The following ERCC6L2 variants were observed in gnomAD, a reference collection of about 807,000 sequenced individuals.
ERCC6L2 encodes DNA excision repair protein ERCC-6-like 2.
A neutral mutation model predicts 132.0 loss-of-function variants in ERCC6L2; 77 were observed. The observed-to-expected ratio is 0.58, with a 90% confidence interval of 0.49 to 0.71. The LOEUF is 0.71. ERCC6L2 is among the 30% of genes least tolerant of loss of function. The pLI is 0.00. For synonymous variants in ERCC6L2, 583 were observed against 632.4 expected, an observed-to-expected ratio of 0.92 and a Z score of 1.17; for missense variants, 1,542 against 1,837.6, an observed-to-expected ratio of 0.84 and a Z score of 2.94.
At chr9:95,975,640 G>A (rs990610513) in intron 16 of ERCC6L2, among the ~76,000 whole-genome samples, 14 of 151,774 alleles carry the variant, frequency 9.2e-5, no homozygotes, top group African/African-American at 2.7e-4. Flanking sequence ...AGATTTGCTT[G>A]TACCAGTGTT....
intron 19 of ERCC6L2, among the ~76,000 whole-genome samples, chr9:96,037,954 G>A (rs1277970663): frequency 2.0e-5 from 3 of 151,874 alleles, no homozygotes; most frequent in Admixed American, 6.6e-5. Flanking sequence ...GGCCCTTGAC[G>A]GCTGGAATAA....
chr9:95,939,061 C>T (rs531041173), intron 11 of ERCC6L2, among the ~76,000 whole-genome samples: 98 of 152,176 alleles, frequency 6.4e-4, no homozygotes, highest in African/African-American at 2.2e-3. Flanking sequence ...ATTTTACTTA[C>T]ATTTAAGCTT....
rs1428537134 is a variant in ERCC6L2, at chr9:95,963,115, T to C, written c.1948-3447T>C. 2.6e-5 allele frequency among the ~76,000 whole-genome samples: 4 copies of C among 151,940 alleles called. No homozygotes were observed. The East Asian group carries it at 7.8e-4, about 29-fold the overall frequency. On this transcript the variant is annotated intron_variant, in intron 13 of 18. Transcript: ENST00000653738. ...CTTCAGGTTTGGAGCATTTAAACAA[T>C]CTAAAGTTTGGCATTCAGAAAGTCA...
At chr9:95,943,000 A>G (rs950953428) in intron 12 of ERCC6L2, among the ~76,000 whole-genome samples, 2 of 152,194 alleles carry the variant, frequency 1.3e-5, no homozygotes, top group African/African-American at 4.8e-5. Context: ...AAGAACATAC[A>G]TTTCATCAGC....
At chr9:95,876,320 A>G (rs1298048461) in intron 1 of ERCC6L2, 4 of 461,442 alleles carry the variant, frequency 8.7e-6, no homozygotes, top group African/African-American at 3.9e-5. Context: ...TTGCTGAGCA[A>G]CTTTGGGCAG....
chr9:95,999,451 A>ATGG (rs199670366), intron 17 of ERCC6L2, among the ~76,000 whole-genome samples: 1,554 of 152,340 alleles, frequency 0.01, 20 homozygotes, highest in Middle Eastern at 0.041. Context: ...CCACGTGTCT[A>ATGG]ATAGCTATGG....
At chr9:95,960,881 T>TCC (rs112215797) in intron 13 of ERCC6L2, among the ~76,000 whole-genome samples, 3,674 of 152,186 alleles carry the variant, frequency 0.024, 127 homozygotes, top group African/African-American at 0.074. Flanking sequence ...TTCAGAACTC[T>TCC]CCCACAAAGA....
chr9:95,941,019 G>A (rs903381407), intron 11 of ERCC6L2, among the ~76,000 whole-genome samples: 2 of 152,004 alleles, frequency 1.3e-5, no homozygotes, highest in African/African-American at 2.4e-5. Flanking sequence ...AGAGTTTTAC[G>A]TTTATTTCCT....
chr9:96,029,197 G>A (rs1007907375), intron 19 of ERCC6L2, among the ~76,000 whole-genome samples: 18 of 151,550 alleles, frequency 1.2e-4, no homozygotes, highest in Admixed American at 2.0e-4. Context: ...CCAGCTACTC[G>A]GGAGGCTAAG....
intron 19 of ERCC6L2, among the ~76,000 whole-genome samples, chr9:96,026,256 ACGGGAACAGGCTCCTGT>A (rs1834361431): frequency 6.6e-6 from 1 of 152,214 alleles, no homozygotes; most frequent in Non-Finnish European, 1.5e-5. Flanking sequence ...GGCTCTGCTG[ACGGGAACAGGCTCCTGT>A]CCTGCGATCT....
intron 13 of ERCC6L2, among the ~76,000 whole-genome samples, chr9:95,964,962 G>T (rs1587989841): frequency 6.6e-6 from 1 of 152,188 alleles, no homozygotes; most frequent in Non-Finnish European, 1.5e-5. Flanking sequence ...TACAGGTCCT[G>T]CAGTCTGACA....
At chr9:95,913,476 C>T (rs1829438163) in intron 4 of ERCC6L2, among the ~76,000 whole-genome samples, 2 of 151,848 alleles carry the variant, frequency 1.3e-5, no homozygotes, top group Non-Finnish European at 2.9e-5. Flanking sequence ...CTTGCTTTCT[C>T]TCTTTCTCTC....
At chr9:95,962,655 G>T (rs529649476) in intron 13 of ERCC6L2, among the ~76,000 whole-genome samples, 33 of 152,146 alleles carry the variant, frequency 2.2e-4, no homozygotes, top group Non-Finnish European at 4.1e-4. Flanking sequence ...CTATTTCTGT[G>T]TGACAGACTG....
At chr9:95,995,299 T>C (rs943295436) in intron 17 of ERCC6L2, among the ~76,000 whole-genome samples, 7 of 152,224 alleles carry the variant, frequency 4.6e-5, no homozygotes, top group African/African-American at 1.7e-4. Context: ...ATACACAGAA[T>C]ACACTTTTGG....
At position 95,880,862 on chromosome 9, in the gene ERCC6L2, C is replaced by A; in HGVS notation, c.47-7C>A. The stretch of plus-strand genomic sequence containing the variant: ...CTTTGGAAACTTTATTTTCTTTATT[C>A]TTGCAGACATATGGCATCCAGGAGA... On this transcript the variant is annotated splice_polypyrimidine_tract_variant and splice_region_variant and intron_variant, in intron 1 of 18. Transcript: ENST00000653738. 6.3e-7 allele frequency: 1 copy of A among 1,586,520 alleles called. No individual in the cohort carries two copies. Among genetic ancestry groups the A allele is most frequent in the Admixed American group, 1.9e-5 (1 of 53,066 alleles).
At chr9:95,911,122 TG>T (rs2132681350) in intron 4 of ERCC6L2, among the ~76,000 whole-genome samples, 1 of 152,306 alleles carries the variant, frequency 6.6e-6, no homozygotes, top group East Asian at 1.9e-4. Context: ...CTCAAACTTT[TG>T]GACTCAAGTG....
At chr9:96,009,618 G>A (rs1356650357) in intron 18 of ERCC6L2, among the ~76,000 whole-genome samples, 1 of 152,160 alleles carries the variant, frequency 6.6e-6, no homozygotes, top group East Asian at 1.9e-4. Context: ...GGTTATGGAA[G>A]TCTACTCTAG....
In ERCC6L2 at chr9:96,013,225, C is replaced by A; in HGVS notation, c.*22C>A. 7.5e-7 allele frequency: 1 copy of A among 1,329,156 alleles called. No individual in the cohort carries two copies. Among genetic ancestry groups the A allele is most frequent in the Non-Finnish European group, 9.9e-7 (1 of 1,005,446 alleles). 82.3% of individuals were successfully genotyped at this position (1,329,156 alleles called of 1,614,324 possible). A position where few individuals can be genotyped will look rare whatever the true frequency, so the allele number is the denominator to read the frequency against. On this transcript the variant is annotated 3_prime_UTR_variant, in exon 19 of 19. Transcript: ENST00000653738. ...ATAAGCATATAAATGAATTACTGCA[C>A]CAGTAAACTGCTGCCATCACTGTTT... is the stretch of plus-strand genomic sequence containing the variant.
chr9:96,006,179 CTA>C (rs1833856748), intron 18 of ERCC6L2, among the ~76,000 whole-genome samples: 2 of 152,142 alleles, frequency 1.3e-5, no homozygotes, highest in South Asian at 2.1e-4. Flanking sequence ...AACTGTGAGA[CTA>C]TGTGAGCAGC....
Sources: gnomAD v4.1 joint callset for allele counts (sites outside exome capture counted in the v4.1 genomes callset) on GRCh38, gnomAD v4.1.1 for gene constraint, MANE v1.5 for transcripts, NCBI Gene and HGNC (gene_info 2026-07-23, HGNC 2026-07-21) for gene names.